The following WWOX variants were observed in gnomAD, a reference collection of about 807,000 sequenced individuals.
WWOX encodes WW domain containing oxidoreductase.
In WWOX, 69 loss-of-function variants were observed where a neutral mutation model predicts 46.2. That is an observed-to-expected ratio of 1.49 (90% CI 1.23 to 1.82). The LOEUF (loss-of-function observed/expected upper bound fraction) is 1.82. WWOX is among the 40% of genes most tolerant of loss of function. The pLI is 0.00. For missense variants in WWOX, 919 were observed against 542.6 expected, an observed-to-expected ratio of 1.69 and a Z score of -6.89; for synonymous variants, 359 against 202.6, an observed-to-expected ratio of 1.77 and a Z score of -6.56.
intron 5 of WWOX, among the ~76,000 whole-genome samples, chr16:78,258,558 G>A (rs1308725755): frequency 1.3e-5 from 2 of 151,990 alleles, no homozygotes; most frequent in Admixed American, 6.6e-5. Context: ...TGGAGGCCTT[G>A]ACAGTTCCAT....
intron 8 of WWOX, among the ~76,000 whole-genome samples, chr16:78,510,387 G>A (rs1201598619): frequency 6.6e-6 from 1 of 152,082 alleles, no homozygotes; most frequent in Non-Finnish European, 1.5e-5. Context: ...TGTATTTTTA[G>A]TAGAGATGGA....
chr16:78,971,224 G>T (rs1439176461), intron 8 of WWOX, among the ~76,000 whole-genome samples: 1 of 151,996 alleles, frequency 6.6e-6, no homozygotes, highest in Non-Finnish European at 1.5e-5. Context: ...ACTTTGAGAG[G>T]CTGAGGCGGG....
chr16:79,151,753 G>A lies in WWOX; in HGVS notation c.1057-59855G>A, dbSNP rs149517635. Among the ~76,000 whole-genome samples, 227 of 152,306 alleles carry A rather than the reference G, an allele frequency of 1.5e-3. 1 individual carries two copies. Among genetic ancestry groups the A allele is most frequent in the African/African-American group, 5.2e-3 (218 of 41,566 alleles). On this transcript the variant is annotated intron_variant, in intron 8 of 8. Transcript: ENST00000566780. The stretch of plus-strand genomic sequence containing the variant: ...GGCCTGCCAGGGTGCCTGACAGCCA[G>A]AGCCACCTAATGGGCCTATTTGATC...
At chr16:78,412,520 G>C (rs1039340433) in intron 6 of WWOX, among the ~76,000 whole-genome samples, 1 of 152,112 alleles carries the variant, frequency 6.6e-6, no homozygotes, top group East Asian at 1.9e-4. Flanking sequence ...AAAAGAGATT[G>C]GTGATGGAAC....
intron 8 of WWOX, among the ~76,000 whole-genome samples, chr16:78,695,908 G>T (rs1283743339): frequency 3.3e-5 from 5 of 152,184 alleles, no homozygotes; most frequent in African/African-American, 4.8e-5. Context: ...TTCTCAAAGT[G>T]GGGTCCCTGG....
rs191906875 is a variant in WWOX at position 78,153,141 on chromosome 16, A to G, written c.410-11042A>G. On this transcript the variant is annotated intron_variant, in intron 4 of 8. Coordinates refer to ENST00000566780, the MANE Select transcript of WWOX (RefSeq NM_016373.4). ...TGGAACTCAGAACTATGTAATTGAA[A>G]TGGCCTGGGAGGCAAATGTGATCAT... 1.5e-4 allele frequency among the ~76,000 whole-genome samples: 23 copies of G among 152,270 alleles called. No individual in the cohort carries two copies. The South Asian group carries it at 3.5e-3, about 23-fold the overall frequency.
intron 6 of WWOX, among the ~76,000 whole-genome samples, chr16:78,402,645 C>A (rs1418777586): frequency 1.3e-5 from 2 of 152,104 alleles, no homozygotes; most frequent in Non-Finnish European, 2.9e-5. Flanking sequence ...AGCATTTTTC[C>A]TGGGGAGAAA....
chr16:78,452,182 T>A (rs1451654628), intron 8 of WWOX, among the ~76,000 whole-genome samples: 1 of 152,218 alleles, frequency 6.6e-6, no homozygotes, highest in Non-Finnish European at 1.5e-5. Flanking sequence ...AACTTTATCT[T>A]GATCTGTAGT....
chr16:78,119,111 A>C (rs1027053488), intron 4 of WWOX: 5 of 152,218 alleles, frequency 3.3e-5, no homozygotes, highest in Non-Finnish European at 5.9e-5. Context: ...CCTGAATGCT[A>C]ACCAGTAGAG....
intron 8 of WWOX, among the ~76,000 whole-genome samples, chr16:78,888,065 A>G (rs948420507): frequency 4.6e-5 from 7 of 152,246 alleles, no homozygotes; most frequent in African/African-American, 1.2e-4. Flanking sequence ...GCTGTCAGCC[A>G]TGAATATTTT....
At chr16:78,959,012 T>A (rs1423293597) in intron 8 of WWOX, among the ~76,000 whole-genome samples, 2 of 152,144 alleles carry the variant, frequency 1.3e-5, no homozygotes, top group Admixed American at 1.3e-4. Context: ...AAAAGGGAGT[T>A]CTATAACAGC....
Position 79,211,695 on chromosome 16 carries a change from T to G in WWOX, c.1144T>G (p.Cys382Gly), listed in dbSNP as rs746056495. 45 of 1,614,226 alleles carry G rather than the reference T, an allele frequency of 2.8e-5. No homozygotes were observed. Among genetic ancestry groups the G allele is most frequent in the Non-Finnish European group, 3.7e-5 (44 of 1,180,046 alleles). Residue 382 changes from cysteine (C) to glycine (G), a missense_variant, in exon 9 of 9, where the codon TGC (cysteine) becomes GGC (glycine). Transcript: ENST00000566780. ...GATGTACTTCAACAACTGCTGCCGC[T>G]GCATGCCCTCACCAGAAGCTCAGAG... ...GGMYFNNCCRCMPSPEAQSEE... is the reference protein window; with the variant it reads ...GGMYFNNCCRGMPSPEAQSEE...
chr16:78,898,289 C>G (rs2044747723), intron 8 of WWOX: 1 of 152,094 alleles, frequency 6.6e-6, no homozygotes, highest in Admixed American at 6.5e-5. Flanking sequence ...ACATTCAGAT[C>G]TATGTTCCAT....
intron 5 of WWOX, among the ~76,000 whole-genome samples, chr16:78,326,316 T>C (rs1357774830): frequency 6.6e-6 from 1 of 152,194 alleles, no homozygotes; most frequent in Non-Finnish European, 1.5e-5. Flanking sequence ...CCTAAATTGC[T>C]AAATTGCAAG....
chr16:79,148,983 C>T (rs1176629830), intron 8 of WWOX, among the ~76,000 whole-genome samples: 1 of 152,038 alleles, frequency 6.6e-6, no homozygotes, highest in African/African-American at 2.4e-5. Context: ...ATGTCATATG[C>T]AAATAGAGAA....
intron 8 of WWOX, among the ~76,000 whole-genome samples, chr16:78,754,667 T>C (rs889700232): frequency 6.6e-6 from 1 of 152,216 alleles, no homozygotes; most frequent in South Asian, 2.1e-4. Context: ...AGTACAGCCT[T>C]GACACAAATA....
rs138232339 is a variant in WWOX, at chr16:78,813,972, G to A, written c.1056+381220G>A. Among the ~76,000 whole-genome samples, 257 of 152,206 alleles carry A rather than the reference G, an allele frequency of 1.7e-3. 1 individual carries two copies. Among genetic ancestry groups the A allele is most frequent in the African/African-American group, 5.7e-3 (236 of 41,530 alleles). The stretch of plus-strand genomic sequence containing the variant: ...TTGTCTCCCCACCCCCAATTCTATA[G>A]GTTCTATTATATCTCCGCTGGTTTA... On this transcript the variant is annotated intron_variant, in intron 8 of 8. Coordinates refer to ENST00000566780, the MANE Select transcript of WWOX (RefSeq NM_016373.4).
At chr16:78,398,312 T>C (rs1447699415) in intron 6 of WWOX, among the ~76,000 whole-genome samples, 1 of 152,216 alleles carries the variant, frequency 6.6e-6, no homozygotes, top group East Asian at 1.9e-4. Flanking sequence ...CCCAGGCTTC[T>C]CTGCTCCGCT....
intron 8 of WWOX, among the ~76,000 whole-genome samples, chr16:78,782,874 A>G (rs2050365082): frequency 6.6e-6 from 1 of 152,198 alleles, no homozygotes; most frequent in Non-Finnish European, 1.5e-5. Context: ...AATGATCCAA[A>G]AATGTCTTCT....
Sources: allele counts gnomAD v4.1 joint callset (sites outside exome capture counted in the v4.1 genomes callset), GRCh38; gene constraint gnomAD v4.1.1; transcripts MANE v1.5; gene names NCBI Gene and HGNC (gene_info 2026-07-23, HGNC 2026-07-21).